The following TRIM55 variants were observed in gnomAD, a reference collection of about 807,000 sequenced individuals.
The protein encoded by TRIM55 is tripartite motif containing 55.
In TRIM55, 50 loss-of-function variants were observed where a neutral mutation model predicts 60.9. The observed-to-expected ratio is 0.82, with a 90% CI of 0.65 to 1.04. The LOEUF (loss-of-function observed/expected upper bound fraction) is 1.04. Ranked by LOEUF, TRIM55 falls within the 50% of genes least tolerant of loss-of-function variation. The pLI is 0.00. For missense variants in TRIM55, 681 were observed against 666.9 expected (o/e 1.02, Z -0.23); for synonymous variants, 237 against 238.1 (o/e 1.00, Z 0.04).
At chr8:66,123,084 A>T (rs995729989), upstream of TRIM55, among the ~76,000 whole-genome samples, 3 of 152,200 alleles carry the variant, frequency 2.0e-5, no homozygotes, top group African/African-American at 7.2e-5. Context: ...CTTCTTCTGC[A>T]CAAGGGCATT....
chr8:66,122,060 C>T (rs1033982575), upstream of TRIM55, among the ~76,000 whole-genome samples: 1 of 152,120 alleles, frequency 6.6e-6, no homozygotes, highest in African/African-American at 2.4e-5. Context: ...ACACCCACCC[C>T]ATGGATTGGT....
intron 9 of TRIM55, among the ~76,000 whole-genome samples, chr8:66,165,270 A>G (rs776476670): frequency 6.6e-6 from 1 of 152,226 alleles, no homozygotes; most frequent in African/African-American, 2.4e-5. Flanking sequence ...CATTTTATGC[A>G]AAAGATTTTT....
intron 4 of TRIM55, among the ~76,000 whole-genome samples, chr8:66,139,263 T>A (rs1809663431): frequency 6.6e-6 from 1 of 152,194 alleles, no homozygotes; most frequent in Non-Finnish European, 1.5e-5. Context: ...ATCTCAGGGC[T>A]TTACCGGAGA....
chr8:66,171,355 C>T (rs368675182), intron 9 of TRIM55, among the ~76,000 whole-genome samples: 2 of 151,868 alleles, frequency 1.3e-5, no homozygotes, highest in South Asian at 4.1e-4. Context: ...TTTGGTTTTC[C>T]GTTTCTGTGT....
intron 9 of TRIM55, among the ~76,000 whole-genome samples, chr8:66,155,110 G>A (rs1810664524): frequency 6.6e-6 from 1 of 152,132 alleles, no homozygotes; most frequent in Admixed American, 6.5e-5. Flanking sequence ...TGATGTGTAG[G>A]GTGTGAGTGT....
chr8:66,148,332 C>A (rs185115487), intron 4 of TRIM55, among the ~76,000 whole-genome samples: 1 of 152,240 alleles, frequency 6.6e-6, no homozygotes, highest in African/African-American at 2.4e-5. Context: ...TCCAACACAG[C>A]CTTTCTCTCC....
At position 66,137,124 on chromosome 8, in the gene TRIM55, C is replaced by A; in HGVS notation, c.537C>A (p.Leu179=). ...AGCTCAGTGATGGCATCGCCATCCTCGTGGGCAGCAACGATCGAGTCCAGG... is the reference window on the plus strand; with the variant it reads ...AGCTCAGTGATGGCATCGCCATCCTAGTGGGCAGCAACGATCGAGTCCAGG... ...KSELSDGIAI[L]VGSNDRVQGV... The change falls in exon 4 of 10, where the codon CTC becomes CTA. Residue 179 remains leucine (L), a synonymous_variant. Coordinates refer to ENST00000315962, the MANE Select transcript of TRIM55 (RefSeq NM_184085.2). 6.2e-7 allele frequency: 1 copy of A among 1,614,074 alleles called. No individual in the cohort carries two copies. Among genetic ancestry groups the A allele is most frequent in the Non-Finnish European group, 8.5e-7 (1 of 1,179,994 alleles).
chr8:66,149,253 A>G (rs543069242), intron 4 of TRIM55, among the ~76,000 whole-genome samples: 1 of 152,166 alleles, frequency 6.6e-6, no homozygotes, highest in Non-Finnish European at 1.5e-5. Context: ...CAAACCAGGA[A>G]GTATCATAGT....
chr8:66,113,627 A>C, the TRIM55 span: 3,289 of 455,630 alleles, frequency 7.2e-3, 102 homozygotes, highest in African/African-American at 0.059. Context: ...GCCCTGCGGG[A>C]ACGTGTCCGG....
chr8:66,116,649 C>T, the TRIM55 span, among the ~76,000 whole-genome samples: 12 of 70,004 alleles, frequency 1.7e-4, no homozygotes, highest in African/African-American at 3.2e-3. Context: ...TGGAAACATG[C>T]ATTAAAATGT....
the TRIM55 span, chr8:66,113,565 T>A: frequency 2.2e-6 from 1 of 456,198 alleles, no homozygotes; most frequent in Non-Finnish European, 4.4e-6. Flanking sequence ...GTCTAGCGCT[T>A]TCTCCCCATT....
intron 9 of TRIM55, chr8:66,155,814 C>T: frequency 1.3e-6 from 1 of 783,378 alleles, no homozygotes; most frequent in Non-Finnish European, 2.1e-6. Context: ...AATCTTGAGG[C>T]TCAGTCCTCC....
At chr8:66,121,487 C>T in the TRIM55 span, among the ~76,000 whole-genome samples, 1 of 151,806 alleles carries the variant, frequency 6.6e-6, no homozygotes, top group Non-Finnish European at 1.5e-5. Flanking sequence ...CCTAAAGCTA[C>T]CTTCATACAT....
intron 9 of TRIM55, among the ~76,000 whole-genome samples, chr8:66,172,418 C>T (rs1811692864): frequency 6.6e-6 from 1 of 151,158 alleles, no homozygotes; most frequent in Admixed American, 6.6e-5. Context: ...TATTGGATAA[C>T]CCCCCACTCT....
chr8:66,154,089 G>A lies in TRIM55; in HGVS notation c.1279G>A (p.Glu427Lys), dbSNP rs1344439588. ...TGGCTCTGAGCAGACCACAGAGTCT[G>A]AAACTCCAGTCCCTGCAGCAGCAGA... ...PTGSEQTTES[E>K]TPVPAAAETA... The change falls in exon 9 of 10, where the codon GAA (glutamate) becomes AAA (lysine). Residue 427 changes from glutamate (E) to lysine (K), a missense_variant. By Grantham distance (56) the Glu-to-Lys change is moderately conservative (BLOSUM62 1). Coordinates refer to ENST00000315962, the MANE Select transcript of TRIM55 (RefSeq NM_184085.2). 2.5e-6 allele frequency: 4 copies of A among 1,613,914 alleles called. No homozygotes were observed. The Admixed American group carries it at 5.0e-5, about 20-fold the overall frequency.
At chr8:66,157,308 A>G (rs1173287190) in intron 9 of TRIM55, among the ~76,000 whole-genome samples, 1 of 152,230 alleles carries the variant, frequency 6.6e-6, no homozygotes, top group Non-Finnish European at 1.5e-5. Flanking sequence ...AGGGCCTTTC[A>G]CATAGAGAAG....
At chr8:66,164,137 G>T (rs1041538642) in intron 9 of TRIM55, among the ~76,000 whole-genome samples, 1 of 152,100 alleles carries the variant, frequency 6.6e-6, no homozygotes, top group Admixed American at 6.5e-5. Flanking sequence ...CAGGGGTGGG[G>T]CACCTGGAGG....
At chr8:66,121,208 T>C in the TRIM55 span, among the ~76,000 whole-genome samples, 1 of 152,204 alleles carries the variant, frequency 6.6e-6, no homozygotes, top group African/African-American at 2.4e-5. Flanking sequence ...ACTGGAAAAC[T>C]GTTGAAAGAG....
At chr8:66,114,662 G>C in the TRIM55 span, 1 of 456,228 alleles carries the variant, frequency 2.2e-6, no homozygotes, top group Non-Finnish European at 4.4e-6. Flanking sequence ...TACTTTGAAC[G>C]TTTGCTCAAC....
Sources: gnomAD v4.1 joint callset for allele counts (sites outside exome capture counted in the v4.1 genomes callset) on GRCh38, gnomAD v4.1.1 for gene constraint, MANE v1.5 for transcripts, NCBI Gene and HGNC (gene_info 2026-07-23, HGNC 2026-07-21) for gene names.